The following GRIA2 variants were observed in gnomAD, a reference collection of about 807,000 sequenced individuals.
GRIA2 encodes the protein glutamate receptor 2.
A neutral mutation model predicts 97.3 loss-of-function variants in GRIA2; 14 were observed. The observed-to-expected ratio is 0.14, with a 90% CI of 0.10 to 0.23. The LOEUF (loss-of-function observed/expected upper bound fraction) is 0.23, where lower values mean the gene tolerates loss of function less well. GRIA2 is among the 10% of genes least tolerant of loss of function. The pLI is 1.00. For missense variants in GRIA2, 558 were observed against 1,069.8 expected (o/e 0.52, Z 6.67); for synonymous variants, 412 against 387.8 (o/e 1.06, Z -0.73).
intron 2 of GRIA2, among the ~76,000 whole-genome samples, chr4:157,271,801 A>G (rs55694050): frequency 0.074 from 11,214 of 152,160 alleles, 529 homozygotes; most frequent in Non-Finnish European, 0.1. Context: ...GTTGCCAGCT[A>G]TCTGTCAACT....
chr4:157,279,851 G>T (rs1037880100), intron 2 of GRIA2, among the ~76,000 whole-genome samples: 8 of 152,096 alleles, frequency 5.3e-5, no homozygotes, highest in Admixed American at 5.2e-4. Context: ...TCGCCTGGGC[G>T]TGGTGGCTCA....
intron 4 of GRIA2, among the ~76,000 whole-genome samples, chr4:157,315,287 A>G (rs1162628672): frequency 2.6e-5 from 4 of 152,038 alleles, no homozygotes; most frequent in African/African-American, 7.2e-5. Context: ...ATGGTATGCT[A>G]TGAGAGATCA....
Position 157,248,548 on chromosome 4 carries a change from T to TGTGTGTATATATATATAC in GRIA2, c.229+26757_229+26774dup, listed in dbSNP as rs1334490079. Among the ~76,000 whole-genome samples, 12 of 140,552 alleles carry TGTGTGTATATATATATAC rather than the reference T, an allele frequency of 8.5e-5. 1 individual carries two copies. Among genetic ancestry groups the TGTGTGTATATATATATAC allele is most frequent in the African/African-American group, 3.0e-4 (11 of 36,466 alleles). 92.2% of individuals were successfully genotyped at this position (140,552 alleles called of 152,430 possible). ...ATATGTGTGTGTGTGTTTATGTGTGTGTGTGTATATATATATACGTGTGTA... is the reference window on the plus strand; with the variant it reads ...ATATGTGTGTGTGTGTTTATGTGTGTGTGTGTATATATATATACGTGTGTATATATATATACGTGTGTA... On this transcript the variant is annotated intron_variant, in intron 2 of 15. Transcript: ENST00000264426.
chr4:157,270,901 T>G (rs1436636638), intron 2 of GRIA2, among the ~76,000 whole-genome samples: 1 of 150,788 alleles, frequency 6.6e-6, no homozygotes, highest in African/African-American at 2.5e-5. Flanking sequence ...AAAAAAATAT[T>G]GTACATTATT....
At chr4:157,227,694 A>C (rs1448491362) in intron 2 of GRIA2, among the ~76,000 whole-genome samples, 1 of 152,162 alleles carries the variant, frequency 6.6e-6, no homozygotes, top group Non-Finnish European at 1.5e-5. Context: ...TTTACAGTAG[A>C]TTGTACTGAA....
chr4:157,353,516 A>T (rs1272039367), intron 12 of GRIA2, among the ~76,000 whole-genome samples: 4 of 124,046 alleles, frequency 3.2e-5, no homozygotes, highest in Admixed American at 1.6e-4. Context: ...TAAAAATAAT[A>T]AAAAAAAAAA....
intron 2 of GRIA2, among the ~76,000 whole-genome samples, chr4:157,254,170 G>A (rs1393261142): frequency 1.3e-5 from 2 of 151,872 alleles, no homozygotes; most frequent in Non-Finnish European, 2.9e-5. Context: ...GGGAGGGTGG[G>A]AGTTATATTA....
intron 11 of GRIA2, among the ~76,000 whole-genome samples, chr4:157,339,697 A>G (rs540918291): frequency 1.3e-5 from 2 of 151,910 alleles, no homozygotes; most frequent in African/African-American, 4.8e-5. Context: ...AGTCAAAAGC[A>G]ATTACCATGT....
At chr4:157,344,095 AC>A (rs1158593141) in intron 12 of GRIA2, among the ~76,000 whole-genome samples, 1 of 152,064 alleles carries the variant, frequency 6.6e-6, no homozygotes, top group Admixed American at 6.6e-5. Context: ...TGAGTCAATA[AC>A]TTTTTTCATA....
chr4:157,348,040 TG>T (rs1735837336), intron 12 of GRIA2, among the ~76,000 whole-genome samples: 1 of 151,668 alleles, frequency 6.6e-6, no homozygotes, highest in Non-Finnish European at 1.5e-5. Flanking sequence ...AGCTTGAACC[TG>T]GGAGGTGGAG....
chr4:157,272,908 A>G (rs1205548552), intron 2 of GRIA2, among the ~76,000 whole-genome samples: 1 of 152,084 alleles, frequency 6.6e-6, no homozygotes, highest in East Asian at 1.9e-4. Context: ...ATCTAAGCAT[A>G]GGGTTATAGA....
chr4:157,323,033 T>C (rs1362623285), intron 6 of GRIA2, among the ~76,000 whole-genome samples: 3 of 152,162 alleles, frequency 2.0e-5, no homozygotes, highest in East Asian at 3.9e-4. Context: ...TTGGTGACTT[T>C]AGTTGAGATT....
intron 2 of GRIA2, among the ~76,000 whole-genome samples, chr4:157,227,843 T>G (rs556933890): frequency 7.0e-4 from 107 of 152,090 alleles, no homozygotes; most frequent in Admixed American, 1.6e-3. Context: ...AATAGGAAAA[T>G]AAGTTGCTGA....
At chr4:157,240,673 T>G (rs1243819588) in intron 2 of GRIA2, among the ~76,000 whole-genome samples, 1 of 152,064 alleles carries the variant, frequency 6.6e-6, no homozygotes, top group Non-Finnish European at 1.5e-5. Flanking sequence ...TATTCTGATT[T>G]TCTCTAGAGC....
At chr4:157,331,443 C>T (rs907970382) in intron 6 of GRIA2, among the ~76,000 whole-genome samples, 5 of 151,150 alleles carry the variant, frequency 3.3e-5, no homozygotes, top group African/African-American at 1.2e-4. Context: ...AAATATTTGA[C>T]TTATTCAATT....
At chr4:157,322,093 T>G (rs905918348) in intron 6 of GRIA2, among the ~76,000 whole-genome samples, 17 of 152,128 alleles carry the variant, frequency 1.1e-4, no homozygotes, top group Non-Finnish European at 1.5e-5. Context: ...TAGAATATTA[T>G]GTTTGCAAAT....
At chr4:157,312,498 T>C (rs1004414137) in intron 3 of GRIA2, among the ~76,000 whole-genome samples, 181 bp from the exon 4 acceptor site, 3 of 152,164 alleles carry the variant, frequency 2.0e-5, no homozygotes, top group African/African-American at 4.8e-5. Flanking sequence ...GAGTTTTTGA[T>C]GTGAAGTGAC....
chr4:157,239,655 A>G (rs1730414363), intron 2 of GRIA2, among the ~76,000 whole-genome samples: 1 of 151,672 alleles, frequency 6.6e-6, no homozygotes, highest in Non-Finnish European at 1.5e-5. Context: ...CAGAACATCT[A>G]TATTCTACTT....
chr4:157,258,147 C>G (rs1423543032), intron 2 of GRIA2, among the ~76,000 whole-genome samples: 1 of 151,954 alleles, frequency 6.6e-6, no homozygotes, highest in Non-Finnish European at 1.5e-5. Context: ...GAAATCTGGG[C>G]ACCTTGACAA....
Sources: gnomAD v4.1 joint callset for allele counts (sites outside exome capture counted in the v4.1 genomes callset) on GRCh38, gnomAD v4.1.1 for gene constraint, MANE v1.5 for transcripts, NCBI Gene and HGNC (gene_info 2026-07-23, HGNC 2026-07-21) for gene names.